The following GPR143 variants were observed in gnomAD, a reference collection of about 807,000 sequenced individuals.
GPR143 encodes G protein-coupled receptor 143.
Under a neutral mutation model 27.6 loss-of-function variants are expected in GPR143, and 8 were observed. The ratio of observed to expected loss-of-function variants is 0.29; its 90% confidence interval spans 0.17 to 0.52. The LOEUF (loss-of-function observed/expected upper bound fraction) is 0.52. Ranked by LOEUF, GPR143 falls within the 20% of genes least tolerant of loss-of-function variation. The pLI, the probability that GPR143 is intolerant of heterozygous loss-of-function variation, is 0.96. For synonymous variants in GPR143, 156 were observed against 153.2 expected, an observed-to-expected ratio of 1.02 and a Z score of -0.13; for missense variants, 303 against 343.1, an observed-to-expected ratio of 0.88 and a Z score of 0.92.
intron 5 of GPR143, among the ~76,000 whole-genome samples, chrX:9,744,192 C>T (rs2083417562): frequency 9.1e-6 from 1 of 109,596 alleles, no homozygotes; most frequent in Non-Finnish European, 1.9e-5. Context: ...CAAAAATTAT[C>T]CAGGCATGGT....
intron 8 of GPR143, among the ~76,000 whole-genome samples, chrX:9,726,660 C>T (rs1035181611): frequency 8.9e-6 from 1 of 112,057 alleles, no homozygotes; most frequent in Non-Finnish European, 1.9e-5. Context: ...CTTCCGTGCC[C>T]AATGTTTTCT....
At chrX:9,755,706 G>A (rs112996155) in intron 3 of GPR143, among the ~76,000 whole-genome samples, 1,569 of 111,305 alleles carry the variant, frequency 0.014, 36 homozygotes, top group African/African-American at 0.047. Context: ...GAAGTCACAC[G>A]ATAGGATAGT....
intron 5 of GPR143, among the ~76,000 whole-genome samples, 194 bp downstream of exon 5, chrX:9,745,850 G>T (rs945117142): frequency 8.9e-6 from 1 of 112,223 alleles, no homozygotes; most frequent in Admixed American, 9.4e-5. Context: ...GAACTTGTGC[G>T]GGCAGAGGCC....
chrX:9,734,710 C>T (rs775755154), intron 8 of GPR143, among the ~76,000 whole-genome samples: 38 of 112,023 alleles, frequency 3.4e-4, no homozygotes, highest in Non-Finnish European at 6.2e-4. Context: ...TCAGAAATGC[C>T]CTGCTCTTAG....
intron 8 of GPR143, among the ~76,000 whole-genome samples, chrX:9,733,551 T>C (rs1325373392): frequency 1.8e-5 from 2 of 110,875 alleles, no homozygotes; most frequent in Non-Finnish European, 3.8e-5. Context: ...TAAAAAGGGA[T>C]TGTGGGAGAA....
intron 1 of GPR143, among the ~76,000 whole-genome samples, chrX:9,764,765 G>A (rs931984560): frequency 9.0e-6 from 1 of 111,634 alleles, no homozygotes; most frequent in Non-Finnish European, 1.9e-5. Context: ...GGTGGCTTAC[G>A]CCTGTAATCC....
At chrX:9,762,382 T>A (rs2083506699) in intron 1 of GPR143, among the ~76,000 whole-genome samples, 2 of 108,840 alleles carry the variant, frequency 1.8e-5, no homozygotes, top group Admixed American at 2.0e-4. Flanking sequence ...AGAGTGAGAC[T>A]CCATCTGAGA....
chrX:9,764,632 T>A (rs1424992161), intron 1 of GPR143, among the ~76,000 whole-genome samples: 1 of 111,306 alleles, frequency 9.0e-6, no homozygotes, highest in Middle Eastern at 4.2e-3. Flanking sequence ...GGGTTTTGCT[T>A]AACTGCGCCA....
intron 7 of GPR143, 196 bp downstream of exon 7, chrX:9,741,142 A>G: frequency 2.9e-6 from 1 of 340,928 alleles, no homozygotes; most frequent in Non-Finnish European, 5.2e-6. Flanking sequence ...TACATTGCCC[A>G]GGGTGGAGGC....
At chrX:9,777,415 T>A (rs1480693629) in intron 1 of GPR143, among the ~76,000 whole-genome samples, 1 of 111,387 alleles carries the variant, frequency 9.0e-6, no homozygotes, top group Admixed American at 9.6e-5. Context: ...GTTAGCCTGC[T>A]GGGCAGCCAT....
At chrX:9,732,226 C>T (rs775402817) in intron 8 of GPR143, among the ~76,000 whole-genome samples, 7 of 110,987 alleles carry the variant, frequency 6.3e-5, no homozygotes, top group Admixed American at 1.9e-4. Flanking sequence ...TAGGAATGAC[C>T]AAAATTGTGG....
At chrX:9,759,521 T>TGACGTCA (rs1381432992) in intron 2 of GPR143, 95 bp from the exon 3 acceptor site, 12 of 593,626 alleles carry the variant, frequency 2.0e-5, no homozygotes, top group Non-Finnish European at 2.0e-5. Flanking sequence ...TGGCTTCCTC[T>TGACGTCA]GACGTCAGGA....
Position 9,725,728 on chromosome X carries a change from A to G in GPR143, c.*18T>C, listed in dbSNP as rs779314543. 4 of 1,119,871 alleles carry G rather than the reference A, an allele frequency of 3.6e-6. No homozygotes were observed. The highest frequency in any genetic ancestry group is 6.0e-5 in the East Asian group (2 of 33,390). The allele number at this position is 1,119,871 out of a possible 1,213,427, so 92.3% of individuals were successfully genotyped here. On this transcript the variant is annotated 3_prime_UTR_variant, in exon 9 of 9. Transcript: ENST00000467482. Reference sequence around the variant, plus strand: ...TGAGTCTGAGGAATATGGGGTCTGGACCCCCAGCACATCCCCTTCATAGGT... The same window carrying G: ...TGAGTCTGAGGAATATGGGGTCTGGGCCCCCAGCACATCCCCTTCATAGGT...
intron 2 of GPR143, among the ~76,000 whole-genome samples, chrX:9,760,280 C>T (rs1398849459): frequency 8.1e-5 from 9 of 111,172 alleles, no homozygotes; most frequent in African/African-American, 2.3e-4. Context: ...TTAGTAGAGA[C>T]GGGGTTTCAC....
intron 8 of GPR143, among the ~76,000 whole-genome samples, chrX:9,737,471 G>A (rs758357189): frequency 4.5e-5 from 5 of 112,166 alleles, no homozygotes; most frequent in Non-Finnish European, 9.4e-5. Context: ...ACAACAGGAC[G>A]AATATTACAC....
chrX:9,774,450 T>G (rs1381226513), intron 1 of GPR143, among the ~76,000 whole-genome samples: 1 of 112,314 alleles, frequency 8.9e-6, no homozygotes, highest in Non-Finnish European at 1.9e-5. Flanking sequence ...AGTGTTCCTG[T>G]CCCACTTCTG....
chrX:9,777,657 C>T (rs1035908317), intron 1 of GPR143, among the ~76,000 whole-genome samples: 1 of 110,709 alleles, frequency 9.0e-6, no homozygotes, highest in African/African-American at 3.3e-5. Context: ...AAAGAAGTCA[C>T]TTCAAATTAA....
intron 1 of GPR143, among the ~76,000 whole-genome samples, chrX:9,776,169 G>A (rs2083570279): frequency 8.9e-6 from 1 of 112,027 alleles, no homozygotes; most frequent in East Asian, 2.8e-4. Flanking sequence ...GCGCCCTGCG[G>A]AGACATTGTC....
chrX:9,760,939 G>A, intron 1 of GPR143, 113 bp from the exon 2 acceptor site: 1 of 453,541 alleles, frequency 2.2e-6, no homozygotes, highest in Non-Finnish European at 4.1e-6. Flanking sequence ...AGAGAGGAAG[G>A]AAGAAGGAAG....
Sources: gnomAD v4.1 joint callset for allele counts (sites outside exome capture counted in the v4.1 genomes callset) on GRCh38, gnomAD v4.1.1 for gene constraint, MANE v1.5 for transcripts, NCBI Gene and HGNC (gene_info 2026-07-23, HGNC 2026-07-21) for gene names.